Variants in CADM2 observed in about 807,000 individuals in gnomAD.
The protein encoded by CADM2 is immunoglobulin superfamily member 4D.
A neutral mutation model predicts 49.8 loss-of-function variants in CADM2; 12 were observed. That is an observed-to-expected ratio of 0.24 (90% CI 0.15 to 0.39). CADM2 has a LOEUF of 0.39. Among genes scored for constraint, CADM2 ranks in the 10% least tolerant of loss-of-function variants. CADM2 has a pLI of 1.00. For missense variants in CADM2, 378 were observed against 492.3 expected (o/e 0.77, Z 2.20); for synonymous variants, 214 against 175.4 (o/e 1.22, Z -1.74).
chr3:85,080,230 C>T (rs6796393), intron 1 of CADM2, among the ~76,000 whole-genome samples: 89,989 of 151,718 alleles, frequency 0.59, 27,500 homozygotes, highest in Middle Eastern at 0.65. Flanking sequence ...AGATAGGAAG[C>T]TGGCTACCTT....
At chr3:85,912,160 T>C (rs1333514622) in intron 5 of CADM2, among the ~76,000 whole-genome samples, 1 of 152,078 alleles carries the variant, frequency 6.6e-6, no homozygotes, top group Non-Finnish European at 1.5e-5. Flanking sequence ...TTAGCCAGGA[T>C]GGTCTCGATC....
At chr3:85,641,485 T>A (rs1404108124) in intron 1 of CADM2, among the ~76,000 whole-genome samples, 2 of 152,166 alleles carry the variant, frequency 1.3e-5, no homozygotes, top group African/African-American at 4.8e-5. Flanking sequence ...GCAGCCTAAG[T>A]TCTTGGTCTT....
intron 1 of CADM2, among the ~76,000 whole-genome samples, chr3:85,394,480 C>A (rs188553273): frequency 3.9e-5 from 6 of 152,030 alleles, no homozygotes; most frequent in Admixed American, 6.6e-5. Context: ...TTTCTGATCT[C>A]ATTTTATTTA....
chr3:85,529,399 A>T (rs2061244400), intron 1 of CADM2, among the ~76,000 whole-genome samples: 2 of 152,220 alleles, frequency 1.3e-5, no homozygotes, highest in African/African-American at 4.8e-5. Context: ...GAGCCAGAGC[A>T]GAGACAGCTG....
At chr3:85,366,618 T>C (rs1346122080) in intron 1 of CADM2, among the ~76,000 whole-genome samples, 3 of 152,148 alleles carry the variant, frequency 2.0e-5, no homozygotes, top group African/African-American at 7.2e-5. Context: ...TCTAAGTGCT[T>C]GTATAATAAT....
chr3:85,458,959 T>C (rs560640667), intron 1 of CADM2, among the ~76,000 whole-genome samples: 17 of 152,322 alleles, frequency 1.1e-4, no homozygotes, highest in African/African-American at 4.1e-4. Context: ...ATGGAAATTC[T>C]TTTTGCAATA....
intron 3 of CADM2, among the ~76,000 whole-genome samples, chr3:85,830,607 G>A (rs1174264846): frequency 6.6e-6 from 1 of 151,678 alleles, no homozygotes; most frequent in Non-Finnish European, 1.5e-5. Context: ...GAATACCAAG[G>A]ATATTTTCCC....
At chr3:85,918,943 C>A (rs1255258615) in intron 6 of CADM2, among the ~76,000 whole-genome samples, 2 of 151,854 alleles carry the variant, frequency 1.3e-5, no homozygotes, top group Admixed American at 6.6e-5. Context: ...GTGCACAAAA[C>A]ACAGAAAAGA....
chr3:85,685,857 C>T (rs2066196047), intron 1 of CADM2, among the ~76,000 whole-genome samples: 2 of 151,396 alleles, frequency 1.3e-5, no homozygotes, highest in Non-Finnish European at 2.9e-5. Context: ...AACTCCTGAC[C>T]TCGTGATCCG....
intron 1 of CADM2, among the ~76,000 whole-genome samples, chr3:85,070,424 T>A (rs578163910): frequency 1.3e-5 from 2 of 152,208 alleles, no homozygotes; most frequent in Non-Finnish European, 2.9e-5. Flanking sequence ...CTAGATTGCC[T>A]GGGATTATTT....
intron 8 of CADM2, among the ~76,000 whole-genome samples, chr3:86,009,844 G>C (rs989474924): frequency 5.9e-5 from 9 of 151,584 alleles, no homozygotes; most frequent in Admixed American, 4.6e-4. Context: ...ATGTTTTGAA[G>C]TATATATACA....
chr3:85,656,080 C>T (rs1306745928), intron 1 of CADM2, among the ~76,000 whole-genome samples: 2 of 151,916 alleles, frequency 1.3e-5, no homozygotes, highest in African/African-American at 4.8e-5. Flanking sequence ...TCTCATACTT[C>T]CTACAGTGGA....
intron 1 of CADM2, among the ~76,000 whole-genome samples, chr3:85,323,353 C>G (rs2044665345): frequency 6.6e-6 from 1 of 152,132 alleles, no homozygotes; most frequent in Non-Finnish European, 1.5e-5. Flanking sequence ...CCCACTGTCT[C>G]TTTAACATCT....
At chr3:84,961,994 G>T (rs945413999) in intron 1 of CADM2, among the ~76,000 whole-genome samples, 3 of 152,162 alleles carry the variant, frequency 2.0e-5, no homozygotes, top group African/African-American at 7.2e-5. Flanking sequence ...ATTCAGGCAT[G>T]AGTCTCTTTT....
intron 3 of CADM2, among the ~76,000 whole-genome samples, chr3:85,877,060 T>G (rs918946870): frequency 2.0e-5 from 3 of 152,014 alleles, no homozygotes; most frequent in African/African-American, 7.2e-5. Context: ...TATAGTAGAG[T>G]GTTATATGCA....
chr3:85,188,701 A>T (rs1461243365), intron 1 of CADM2, among the ~76,000 whole-genome samples: 1 of 152,048 alleles, frequency 6.6e-6, no homozygotes, highest in Non-Finnish European at 1.5e-5. Context: ...AAGCGTGAAA[A>T]TCCCTTGATA....
At chr3:85,762,827 C>T (rs1027071470) in intron 2 of CADM2, among the ~76,000 whole-genome samples, 6 of 151,112 alleles carry the variant, frequency 4.0e-5, no homozygotes, top group African/African-American at 1.5e-4. Flanking sequence ...TTTGCTTTTC[C>T]CCAGTTATCA....
At chr3:85,296,391 T>A (rs1268560352) in intron 1 of CADM2, among the ~76,000 whole-genome samples, 1 of 151,958 alleles carries the variant, frequency 6.6e-6, no homozygotes, top group East Asian at 1.9e-4. Flanking sequence ...TACCAATATC[T>A]AGTTGTGTTC....
intron 1 of CADM2, among the ~76,000 whole-genome samples, chr3:85,469,211 ATATT>A (rs1435909153): frequency 1.6e-4 from 25 of 152,312 alleles, no homozygotes; most frequent in East Asian, 5.8e-4. Flanking sequence ...TCTTTTATAG[ATATT>A]TATTTAGCGA....
Sources: gnomAD v4.1 joint callset for allele counts (sites outside exome capture counted in the v4.1 genomes callset) on GRCh38, gnomAD v4.1.1 for gene constraint, MANE v1.5 for transcripts, NCBI Gene and HGNC (gene_info 2026-07-23, HGNC 2026-07-21) for gene names.